Variants in SH3D21 observed in about 807,000 individuals in gnomAD.
The protein encoded by SH3D21 is manchette microtubule inner protein 1, also known as SH3 domain-containing protein 21.
SH3D21 carries 83 observed loss-of-function variants against 82.1 expected under a neutral mutation model. That is an observed-to-expected ratio of 1.01 (90% CI 0.85 to 1.21). The LOEUF (loss-of-function observed/expected upper bound fraction) is 1.21, where lower values mean the gene tolerates loss of function less well. SH3D21 is among the 50% of genes most tolerant of loss of function. The probability of loss-of-function intolerance (pLI) is 0.00; values close to 1 mark genes in which losing one functional copy is unlikely to be tolerated. For missense variants in SH3D21, 980 were observed against 962.1 expected, an observed-to-expected ratio of 1.02 and a Z score of -0.25; for synonymous variants, 383 against 387.8, an observed-to-expected ratio of 0.99 and a Z score of 0.15.
chr1:36,326,857 G>A (rs895588726), downstream of SH3D21, among the ~76,000 whole-genome samples: 2 of 152,220 alleles, frequency 1.3e-5, no homozygotes, highest in African/African-American at 2.4e-5. Flanking sequence ...CCCATGTGGG[G>A]AAGCAGGTTT....
downstream of SH3D21, chr1:36,322,197 G>C: frequency 7.2e-7 from 1 of 1,383,804 alleles, no homozygotes; most frequent in Non-Finnish European, 9.4e-7. Flanking sequence ...TAGCACCTGG[G>C]AGCTGTGGGG....
chr1:36,310,307 T>C (rs1191737524), intron 10 of SH3D21, among the ~76,000 whole-genome samples: 3 of 151,852 alleles, frequency 2.0e-5, no homozygotes, highest in Non-Finnish European at 4.4e-5. Flanking sequence ...ATATAACACA[T>C]ATGTTATAAA....
chr1:36,322,872 G>A (rs919006336), downstream of SH3D21: 3 of 1,533,878 alleles, frequency 2.0e-6, no homozygotes, highest in Middle Eastern at 1.9e-4. Context: ...GCAAGAGGGC[G>A]GGGAGCGGGG....
chr1:36,330,071 A>C (rs1646577574), downstream of SH3D21, among the ~76,000 whole-genome samples: 1 of 152,046 alleles, frequency 6.6e-6, no homozygotes, highest in Non-Finnish European at 1.5e-5. Context: ...AAAGCTGGCA[A>C]AAACATCACC....
In SH3D21 at chr1:36,321,143, G is replaced by A. The variant is rs1570408185; in HGVS notation, c.*16G>A. On this transcript the variant is annotated 3_prime_UTR_variant, in exon 16 of 16. Transcript: ENST00000453908. The surrounding 1 kb of genome is among the most constrained non-coding windows in gnomAD (Gnocchi z 6.1). ...GACCTACTGAGGGTGGGCCTGGGAA[G>A]GGACCGCGGCCTGACCTGGCTGGGG... is the stretch of plus-strand genomic sequence containing the variant. 1.0e-5 allele frequency: 16 copies of A among 1,607,706 alleles called. No individual in the cohort carries two copies. The East Asian group carries it at 3.6e-4, about 36-fold the overall frequency.
chr1:36,325,761 GTCTCGA>G (rs992133038), downstream of SH3D21, among the ~76,000 whole-genome samples: 31 of 152,142 alleles, frequency 2.0e-4, no homozygotes, highest in African/African-American at 7.0e-4. Flanking sequence ...AGCCAGGATG[GTCTCGA>G]TCTGCTGACC....
chr1:36,313,924 G>GGCTTT (rs1485745180), intron 10 of SH3D21, among the ~76,000 whole-genome samples: 2 of 149,468 alleles, frequency 1.3e-5, no homozygotes, highest in African/African-American at 4.9e-5. Flanking sequence ...ATCTCATTGT[G>GGCTTT]GCTTTGATTT....
chr1:36,323,024 C>T (rs759982436), downstream of SH3D21: 8 of 1,599,086 alleles, frequency 5.0e-6, no homozygotes, highest in South Asian at 4.5e-5. Context: ...CATGTCCCTT[C>T]GCGGGGCATC....
intron 14 of SH3D21, 21 bp downstream of exon 14, chr1:36,320,819 G>A: frequency 6.4e-7 from 1 of 1,551,910 alleles, no homozygotes; most frequent in Non-Finnish European, 8.7e-7. Context: ...AGTGGCGGGG[G>A]TTGTGGAAGG....
At chr1:36,322,652 G>C (rs754506123), downstream of SH3D21, 5 of 1,546,630 alleles carry the variant, frequency 3.2e-6, no homozygotes, top group Non-Finnish European at 4.4e-6. Flanking sequence ...TGCTGATGAC[G>C]AGCAGGCAGA....
chr1:36,310,655 G>A (rs1646220697), intron 10 of SH3D21, among the ~76,000 whole-genome samples: 1 of 148,600 alleles, frequency 6.7e-6, no homozygotes, highest in African/African-American at 2.4e-5. Context: ...CCCATGGTAT[G>A]TCACCTAAAC....
rs1646123947 is a variant in SH3D21 at position 36,306,553 on chromosome 1, C to T, written c.5-45C>T. 1.5e-6 allele frequency: 2 copies of T among 1,302,606 alleles called. No individual in the cohort carries two copies. The allele number at this position is 1,302,606 out of a possible 1,614,324, so 80.7% of individuals were successfully genotyped here. A position where few individuals can be genotyped will look rare whatever the true frequency, so the allele number is the denominator to read the frequency against. ...CGCCCGCCCTAGCCAGGCTGCCCGG[C>T]TGGGCCTTTCTGAGCCGCACGCCGG... On this transcript the variant is annotated intron_variant, in intron 1 of 15. Transcript: ENST00000453908. The surrounding 1 kb of genome is among the most constrained non-coding windows in gnomAD (Gnocchi z 4.5).
At chr1:36,327,781 T>C, downstream of SH3D21, 2 of 1,258,826 alleles carry the variant, frequency 1.6e-6, no homozygotes, top group Non-Finnish European at 2.1e-6. Context: ...TGGAGGGTTT[T>C]GAGAAGCACT....
In SH3D21 at chr1:36,307,256, G is replaced by C. The variant is rs772383647; in HGVS notation, c.316G>C (p.Ala106Pro). Residue 106 changes from alanine to proline, a missense_variant, in exon 4 of 16, where the codon GCT becomes CCT. Transcript: ENST00000453908. The surrounding 1 kb of genome is among the most constrained non-coding windows in gnomAD (Gnocchi z 5.4). Reference protein sequence around the residue: ...PEQADELKLQAGEIVEMIKEI... With the variant: ...PEQADELKLQPGEIVEMIKEI... ...GCAGGCGGACGAGCTGAAGCTGCAA[G>C]CTGGGGAGATCGTGGAAATGATAAA... 12 of 1,551,734 alleles carry C rather than the reference G, an allele frequency of 7.7e-6. No homozygotes were observed. Among genetic ancestry groups the C allele is most frequent in the Middle Eastern group, 1.7e-4 (1 of 6,014 alleles).
downstream of SH3D21, among the ~76,000 whole-genome samples, chr1:36,330,133 C>A (rs181551383): frequency 7.3e-4 from 111 of 152,320 alleles, 2 homozygotes; most frequent in East Asian, 0.013. Context: ...CACCCCGACC[C>A]AGTTCCTCGC....
downstream of SH3D21, chr1:36,322,384 G>A: frequency 6.3e-7 from 1 of 1,595,128 alleles, no homozygotes; most frequent in Non-Finnish European, 8.5e-7. Flanking sequence ...TGCCCGGTGC[G>A]CCAGATCTCC....
downstream of SH3D21, chr1:36,328,094 C>T: frequency 2.2e-6 from 1 of 458,134 alleles, no homozygotes; most frequent in East Asian, 6.9e-5. Context: ...TCTCTGCCCT[C>T]CTATCTGCCT....
downstream of SH3D21, chr1:36,321,687 G>C: frequency 9.8e-7 from 1 of 1,017,338 alleles, no homozygotes; most frequent in South Asian, 3.9e-5. This position sits in a 1 kb window ranked among gnomAD's most constrained non-coding sequence, Gnocchi z 6.1. Flanking sequence ...TAGCCTCGAG[G>C]TCAGGGTCCT....
downstream of SH3D21, chr1:36,321,481 C>A (rs1462192877): frequency 2.2e-6 from 2 of 913,548 alleles, no homozygotes; most frequent in Non-Finnish European, 2.8e-6. This position sits in a 1 kb window ranked among gnomAD's most constrained non-coding sequence, Gnocchi z 6.1. Context: ...TCTTGACGCC[C>A]GGCCTAGATT....
Sources: gnomAD v4.1 joint callset for allele counts (sites outside exome capture counted in the v4.1 genomes callset) on GRCh38, gnomAD v4.1.1 for gene constraint, Gnocchi (gnomAD v3.1) non-coding constraint, MANE v1.5 for transcripts, NCBI Gene and HGNC (gene_info 2026-07-23, HGNC 2026-07-21) for gene names.